Variants in FBXW7 observed in about 807,000 individuals in gnomAD.
FBXW7 encodes the protein F-box/WD repeat-containing protein 7.
FBXW7 carries 11 observed loss-of-function variants against 86.3 expected under a neutral mutation model. The ratio of observed to expected loss-of-function variants is 0.13; its 90% confidence interval spans 0.08 to 0.21. The LOEUF is 0.21. Ranked by LOEUF, FBXW7 falls within the 10% of genes least tolerant of loss-of-function variation. FBXW7 has a pLI of 1.00. For synonymous variants in FBXW7, 313 were observed against 297.9 expected (o/e 1.05, Z -0.52); for missense variants, 488 against 847.4 (o/e 0.58, Z 5.27).
chr4:152,390,999 T>A (rs1735949810), intron 4 of FBXW7, among the ~76,000 whole-genome samples: 2 of 152,010 alleles, frequency 1.3e-5, no homozygotes, highest in African/African-American at 4.8e-5. Flanking sequence ...GGAGTGCTGG[T>A]GCTTTAAATA....
intron 5 of FBXW7, chr4:152,348,712 A>G (rs1325061838): frequency 1.7e-6 from 2 of 1,178,648 alleles, no homozygotes; most frequent in Non-Finnish European, 2.2e-6. Flanking sequence ...GAAGACTGAT[A>G]CATTTAAAAA....
rs182151316 is a variant in FBXW7 at position 152,404,985 on chromosome 4, G to A, written c.501+6318C>T. ...GTGCCACGAGTGGTCCCAGTTACTC[G>A]GGAGGCTGAGGTGGGAGAATTGCTT... On this transcript the variant is annotated intron_variant, in intron 4 of 13. Coordinates refer to ENST00000281708, the MANE Select transcript of FBXW7 (RefSeq NM_001349798.2). Among the ~76,000 whole-genome samples, 724 of 151,694 alleles carry A rather than the reference G, an allele frequency of 4.8e-3. 7 individuals carry two copies. Among genetic ancestry groups the A allele is most frequent in the Admixed American group, 0.02 (306 of 15,244 alleles).
chr4:152,404,954 G>A (rs754581380), intron 4 of FBXW7, among the ~76,000 whole-genome samples: 1 of 151,876 alleles, frequency 6.6e-6, no homozygotes, highest in Non-Finnish European at 1.5e-5. Context: ...TTAGCCAAGC[G>A]TGGTGGTGCC....
intron 2 of FBXW7, among the ~76,000 whole-genome samples, chr4:152,428,442 GGA>G (rs1370437086): frequency 6.6e-6 from 1 of 152,100 alleles, no homozygotes; most frequent in Non-Finnish European, 1.5e-5. Flanking sequence ...TAGCTCACCT[GGA>G]GCCAAGAATG....
At chr4:152,437,196 A>G (rs1348180539) in intron 2 of FBXW7, among the ~76,000 whole-genome samples, 2 of 152,206 alleles carry the variant, frequency 1.3e-5, no homozygotes, top group Non-Finnish European at 1.5e-5. Context: ...CATCAACAGG[A>G]GTTTGGAAGA....
chr4:152,380,707 A>G (rs1485054320), intron 4 of FBXW7, among the ~76,000 whole-genome samples: 1 of 152,156 alleles, frequency 6.6e-6, no homozygotes, highest in East Asian at 1.9e-4. Flanking sequence ...CTGTAACATA[A>G]TGAGGCAATC....
chr4:152,523,155 C>G (rs1211337191), intron 2 of FBXW7, among the ~76,000 whole-genome samples: 1 of 152,184 alleles, frequency 6.6e-6, no homozygotes, highest in Non-Finnish European at 1.5e-5. Context: ...TATTAAGGAT[C>G]TGGCTCCAGG....
chr4:152,461,235 G>A (rs1002298539), intron 2 of FBXW7, among the ~76,000 whole-genome samples: 4 of 151,874 alleles, frequency 2.6e-5, no homozygotes, highest in East Asian at 1.9e-4. Flanking sequence ...CCTGGGCGAC[G>A]GAGCAAGACT....
chr4:152,498,638 AAAAAC>A (rs1443006214), intron 2 of FBXW7, among the ~76,000 whole-genome samples: 2 of 152,212 alleles, frequency 1.3e-5, no homozygotes, highest in African/African-American at 2.4e-5. Context: ...ATGCATACAG[AAAAAC>A]AAAACAAAAC....
At chr4:152,420,430 A>C (rs1579153202) in intron 2 of FBXW7, among the ~76,000 whole-genome samples, 1 of 152,032 alleles carries the variant, frequency 6.6e-6, no homozygotes, top group East Asian at 1.9e-4. Flanking sequence ...TGATATTTTG[A>C]CCCCCTCCCA....
chr4:152,347,310 T>A (rs892000189), intron 5 of FBXW7, among the ~76,000 whole-genome samples: 1 of 152,182 alleles, frequency 6.6e-6, no homozygotes, highest in Non-Finnish European at 1.5e-5. Flanking sequence ...GAAATGCTAA[T>A]TGCAACCAAA....
intron 2 of FBXW7, among the ~76,000 whole-genome samples, chr4:152,523,160 T>C: frequency 6.6e-6 from 1 of 152,190 alleles, no homozygotes; most frequent in Non-Finnish European, 1.5e-5. Flanking sequence ...AGGATCTGGC[T>C]CCAGGACCCC....
chr4:152,441,806 C>G (rs1337416974), intron 2 of FBXW7, among the ~76,000 whole-genome samples: 5 of 152,160 alleles, frequency 3.3e-5, no homozygotes, highest in Non-Finnish European at 1.5e-5. Context: ...TAGTCATTTC[C>G]AAAATTTAGG....
chr4:152,465,702 G>C (rs1398268323), intron 2 of FBXW7, among the ~76,000 whole-genome samples: 2 of 151,778 alleles, frequency 1.3e-5, no homozygotes, highest in African/African-American at 4.8e-5. Flanking sequence ...AAATTAGCCG[G>C]GCATGATGGC....
intron 2 of FBXW7, among the ~76,000 whole-genome samples, chr4:152,469,925 G>T (rs1015694146): frequency 7.2e-5 from 11 of 152,024 alleles, no homozygotes; most frequent in Admixed American, 7.2e-4. Flanking sequence ...ATTTAACATG[G>T]AGAATATTTA....
chr4:152,364,556 A>G (rs1733283376), intron 4 of FBXW7, among the ~76,000 whole-genome samples: 2 of 152,162 alleles, frequency 1.3e-5, no homozygotes, highest in South Asian at 4.1e-4. Context: ...TTCATTGAAA[A>G]TTTTTTTAGT....
chr4:152,439,860 C>T (rs796999634), intron 2 of FBXW7, among the ~76,000 whole-genome samples: 128 of 137,154 alleles, frequency 9.3e-4, no homozygotes, highest in African/African-American at 3.2e-3. Flanking sequence ...AGCAAGACTC[C>T]GTCACAAAAA....
intron 11 of FBXW7, 136 bp downstream of exon 11, chr4:152,328,072 T>C (rs1004721747): frequency 1.3e-5 from 9 of 706,318 alleles, no homozygotes; most frequent in Non-Finnish European, 2.0e-5. Context: ...TTTCCTAGAA[T>C]AGAAACATCT....
chr4:152,385,966 C>T (rs1308336221), intron 4 of FBXW7, among the ~76,000 whole-genome samples: 2 of 151,700 alleles, frequency 1.3e-5, no homozygotes, highest in East Asian at 3.9e-4. Context: ...ATTTCTAATG[C>T]GATATTCCCA....
Sources: allele counts gnomAD v4.1 joint callset (sites outside exome capture counted in the v4.1 genomes callset), GRCh38; gene constraint gnomAD v4.1.1; transcripts MANE v1.5; gene names NCBI Gene and HGNC (gene_info 2026-07-23, HGNC 2026-07-21).